RIN3: variants seen among roughly 807,000 people sequenced by gnomAD.
RIN3 encodes Ras and Rab interactor 3.
A neutral mutation model predicts 76.3 loss-of-function variants in RIN3; 54 were observed. The ratio of observed to expected loss-of-function variants is 0.71; its 90% confidence interval spans 0.57 to 0.89. The LOEUF is 0.89. RIN3 is among the 40% of genes least tolerant of loss of function. The probability of loss-of-function intolerance (pLI) is 0.00; values close to 1 mark genes in which losing one functional copy is unlikely to be tolerated. For synonymous variants in RIN3, 576 were observed against 564.0 expected, an observed-to-expected ratio of 1.02 and a Z score of -0.30; for missense variants, 1,256 against 1,322.1, an observed-to-expected ratio of 0.95 and a Z score of 0.78.
chr14:92,659,438 C>T lies in RIN3; in HGVS notation c.2304C>T (p.Leu768=). 6.2e-7 allele frequency: 1 copy of T among 1,611,676 alleles called. No individual in the cohort carries two copies. The stretch of plus-strand genomic sequence containing the variant: ...CCATCCTGCTCAAGACCTGCAAACT[C>T]ATCTACGACTCCATGGCCCTCGGCA... ...KISILLKTCK[L]IYDSMALGNP... is the part of the protein sequence containing the mutation. The change falls in exon 7 of 10, where the codon CTC becomes CTT. Residue 768 remains leucine, a synonymous_variant. Coordinates refer to ENST00000216487, the MANE Select transcript of RIN3 (RefSeq NM_024832.5).
At chr14:92,658,250 T>C (rs1167762920) in intron 6 of RIN3, among the ~76,000 whole-genome samples, 1 of 152,162 alleles carries the variant, frequency 6.6e-6, no homozygotes, top group Non-Finnish European at 1.5e-5. Flanking sequence ...GGAATGCCTC[T>C]CAGATAGGAC....
intron 7 of RIN3, among the ~76,000 whole-genome samples, chr14:92,669,513 A>G (rs1274659341): frequency 6.6e-6 from 1 of 152,134 alleles, no homozygotes; most frequent in East Asian, 1.9e-4. Context: ...GTGGCTCTAA[A>G]TGGGAATCAT....
chr14:92,655,305 G>A (rs1349575805), intron 6 of RIN3, among the ~76,000 whole-genome samples: 1 of 152,238 alleles, frequency 6.6e-6, no homozygotes, highest in African/African-American at 2.4e-5. Context: ...CCGAGATTGT[G>A]CCACTGCACT....
chr14:92,681,459 C>A lies in RIN3; in HGVS notation c.2468-3528C>A, dbSNP rs1446569705. 6.6e-6 allele frequency among the ~76,000 whole-genome samples: 1 copy of A among 152,234 alleles called. No homozygotes were observed. Among genetic ancestry groups the A allele is most frequent in the Non-Finnish European group, 1.5e-5 (1 of 68,036 alleles). On this transcript the variant is annotated intron_variant, in intron 8 of 9. Coordinates refer to ENST00000216487, the MANE Select transcript of RIN3 (RefSeq NM_024832.5). The surrounding 1 kb of genome is among the most constrained non-coding windows in gnomAD (Gnocchi z 4.7). ...TATTCACACATTCCGAAGCCCTGTA[C>A]TTTACACATACTCATTTCCTTTTCA...
At chr14:92,520,486 A>G (rs907537395) in intron 1 of RIN3, among the ~76,000 whole-genome samples, 1 of 152,218 alleles carries the variant, frequency 6.6e-6, no homozygotes, top group Non-Finnish European at 1.5e-5. Flanking sequence ...TGGGACGTTT[A>G]GCAAAGCTGA....
intron 3 of RIN3, chr14:92,586,708 A>G (rs1184373780): frequency 3.3e-5 from 5 of 152,270 alleles, no homozygotes; most frequent in African/African-American, 1.2e-4. Context: ...GAAGGAAGAC[A>G]GTATGACAGG....
In RIN3 at chr14:92,546,993, ATTATTATTATTTTATT is replaced by A. The variant is rs1321278623; in HGVS notation, c.45-8748_45-8733del. ...GTTTATTTAAAATTATTTTTATTTT[ATTATTATTATTTTATT>A]TTATTATTAATATAATTATTATTTT... On this transcript the variant is annotated intron_variant, in intron 1 of 9. Coordinates refer to ENST00000216487, the MANE Select transcript of RIN3 (RefSeq NM_024832.5). 1.1e-3 allele frequency among the ~76,000 whole-genome samples: 98 copies of A among 92,640 alleles called. 2 individuals carry two copies. The highest frequency in any genetic ancestry group is 3.2e-3 in the African/African-American group (91 of 28,120). 60.8% of individuals were successfully genotyped at this position (92,640 alleles called of 152,430 possible). A position where few individuals can be genotyped will look rare whatever the true frequency, so the allele number is the denominator to read the frequency against.
chr14:92,547,066 T>TA (rs1897286944), intron 1 of RIN3, among the ~76,000 whole-genome samples: 1 of 121,588 alleles, frequency 8.2e-6, no homozygotes, highest in Non-Finnish European at 1.8e-5. Flanking sequence ...ATAAATTATA[T>TA]TTTATTTTAT....
At chr14:92,635,209 G>T (rs1886731961) in intron 4 of RIN3, among the ~76,000 whole-genome samples, 1 of 152,212 alleles carries the variant, frequency 6.6e-6, no homozygotes, top group South Asian at 2.1e-4. Flanking sequence ...TTCACACCCT[G>T]CTAATGTTTA....
intron 1 of RIN3, among the ~76,000 whole-genome samples, chr14:92,538,691 C>T (rs927892986): frequency 6.6e-6 from 1 of 152,170 alleles, no homozygotes; most frequent in African/African-American, 2.4e-5. Context: ...GTGCAGAGTT[C>T]TCTAAATACA....
chr14:92,672,760 C>T (rs1888330221), intron 7 of RIN3, among the ~76,000 whole-genome samples: 1 of 151,792 alleles, frequency 6.6e-6, no homozygotes, highest in African/African-American at 2.4e-5. Context: ...AAAACTACTC[C>T]AATTCCAAAT....
intron 4 of RIN3, among the ~76,000 whole-genome samples, chr14:92,625,198 G>C (rs1227523202): frequency 6.6e-6 from 1 of 152,210 alleles, no homozygotes; most frequent in Non-Finnish European, 1.5e-5. Flanking sequence ...GCCAACATCT[G>C]TTTGAGGGGC....
intron 7 of RIN3, among the ~76,000 whole-genome samples, chr14:92,665,297 G>A (rs752498960): frequency 1.1e-4 from 17 of 151,072 alleles, no homozygotes; most frequent in African/African-American, 2.9e-4. Context: ...TGGAACCACC[G>A]TCATATACGT....
chr14:92,581,664 C>T lies in RIN3; in HGVS notation c.367+4187C>T, dbSNP rs144521841. 6.7e-3 allele frequency among the ~76,000 whole-genome samples: 1,027 copies of T among 152,294 alleles called. 12 individuals carry two copies. Among genetic ancestry groups the T allele is most frequent in the African/African-American group, 0.023 (974 of 41,554 alleles). The stretch of plus-strand genomic sequence containing the variant: ...TGCTGTCTCTCCAACCCAGTGACAC[C>T]CCACACCCCTGGAAACCAGGACATT... On this transcript the variant is annotated intron_variant, in intron 3 of 9. Coordinates refer to ENST00000216487, the MANE Select transcript of RIN3 (RefSeq NM_024832.5).
chr14:92,594,428 G>A (rs553870498), intron 3 of RIN3, among the ~76,000 whole-genome samples: 1,165 of 78,692 alleles, frequency 0.015, 21 homozygotes, highest in African/African-American at 0.048. Flanking sequence ...GCGAAACTCT[G>A]TCTCAAAAAA....
Position 92,676,561 on chromosome 14 carries a change from G to A in RIN3, c.2422G>A (p.Glu808Lys). The A allele has an allele frequency of 6.2e-7, 1 of 1,614,074 alleles. No homozygotes were observed. Among genetic ancestry groups the A allele is most frequent in the Non-Finnish European group, 8.5e-7 (1 of 1,179,986 alleles). The change falls in exon 8 of 10, where the codon GAG becomes AAG. Residue 808 changes from glutamate to lysine, a missense_variant. This residue lies in a region of RIN3 where 428 missense variants were observed against 521.2 expected (regional missense o/e 0.82). Coordinates refer to ENST00000216487, the MANE Select transcript of RIN3 (RefSeq NM_024832.5). ...SNLTEMLLNV[E>K]YMMELMDPAL... ...CCTCACGGAGATGCTTCTCAATGTG[G>A]AGTACATGATGGAGCTCATGGACCC... is the stretch of plus-strand genomic sequence containing the variant.
At chr14:92,630,401 A>G (rs1034631398) in intron 4 of RIN3, among the ~76,000 whole-genome samples, 5 of 152,336 alleles carry the variant, frequency 3.3e-5, no homozygotes, top group Non-Finnish European at 7.4e-5. Context: ...CTGAGGCAGG[A>G]GAACGGCTTG....
chr14:92,550,366 A>G (rs1334723488), intron 1 of RIN3, among the ~76,000 whole-genome samples: 2 of 152,204 alleles, frequency 1.3e-5, no homozygotes, highest in East Asian at 3.8e-4. Context: ...TCTTAAATAA[A>G]GACAATTACG....
intron 3 of RIN3, among the ~76,000 whole-genome samples, chr14:92,601,667 C>G (rs143324933): frequency 0.014 from 2,142 of 152,304 alleles, 27 homozygotes; most frequent in Non-Finnish European, 0.021. Flanking sequence ...CCCGGCCCTG[C>G]GGCGTGAGCA....
Sources: allele counts gnomAD v4.1 joint callset (sites outside exome capture counted in the v4.1 genomes callset), GRCh38; gene constraint gnomAD v4.1.1; regional missense constraint gnomAD v4.1.1; non-coding constraint Gnocchi (gnomAD v3.1); transcripts MANE v1.5; gene names NCBI Gene and HGNC (gene_info 2026-07-23, HGNC 2026-07-21).